PDZRN3: variants seen among roughly 807,000 people sequenced by gnomAD.
The protein encoded by PDZRN3 is PDZ domain containing ring finger 3.
A neutral mutation model predicts 85.7 loss-of-function variants in PDZRN3; 38 were observed. The observed-to-expected ratio is 0.44, with a 90% CI of 0.34 to 0.58. The LOEUF (loss-of-function observed/expected upper bound fraction) is 0.58, where lower values mean the gene tolerates loss of function less well. Among genes scored for constraint, PDZRN3 ranks in the 20% least tolerant of loss-of-function variants. The pLI is 0.01. For missense variants in PDZRN3, 1,629 were observed against 1,506.4 expected, an observed-to-expected ratio of 1.08 and a Z score of -1.35; for synonymous variants, 759 against 638.0, an observed-to-expected ratio of 1.19 and a Z score of -2.86.
At chr3:73,501,126 C>T (rs1395122935) in intron 3 of PDZRN3, among the ~76,000 whole-genome samples, 1 of 152,184 alleles carries the variant, frequency 6.6e-6, no homozygotes, top group Non-Finnish European at 1.5e-5. Context: ...TAAACTCTTG[C>T]TAACATTTGG....
chr3:73,414,119 T>G (rs1702029434), intron 3 of PDZRN3, among the ~76,000 whole-genome samples: 1 of 152,184 alleles, frequency 6.6e-6, no homozygotes, highest in Non-Finnish European at 1.5e-5. Context: ...GTAATGTCAG[T>G]CATGTCTCAG....
At chr3:73,476,991 C>T (rs773980612) in intron 3 of PDZRN3, among the ~76,000 whole-genome samples, 20 of 152,238 alleles carry the variant, frequency 1.3e-4, no homozygotes, top group South Asian at 2.1e-4. Context: ...ATCTGTTACA[C>T]GCAATAGATA....
intron 3 of PDZRN3, among the ~76,000 whole-genome samples, chr3:73,579,593 T>G (rs1702169487): frequency 6.6e-6 from 1 of 152,184 alleles, no homozygotes; most frequent in Non-Finnish European, 1.5e-5. Context: ...CGACAGGTAT[T>G]GAGAATTAGC....
At position 73,488,505 on chromosome 3, in the gene PDZRN3, C is replaced by T. The variant is rs145073351; in HGVS notation, c.919-84110G>A. 1.2e-3 allele frequency among the ~76,000 whole-genome samples: 187 copies of T among 152,332 alleles called. 2 individuals are homozygous for T. Among genetic ancestry groups the T allele is most frequent in the Admixed American group, 9.9e-3 (152 of 15,310 alleles). On this transcript the variant is annotated intron_variant, in intron 3 of 9. Transcript: ENST00000263666. The stretch of plus-strand genomic sequence containing the variant: ...ATCTTCCCAGCTCTTCCCTTGGATG[C>T]TACCTTCTCATAGCTTGGGACTTGG...
chr3:73,486,383 G>A lies in PDZRN3; in HGVS notation c.919-81988C>T, dbSNP rs1440506728. Among the ~76,000 whole-genome samples, 3 of 102,928 alleles carry A rather than the reference G, an allele frequency of 2.9e-5. No homozygotes were observed. The South Asian group carries it at 1.3e-3, about 44-fold the overall frequency. 67.5% of individuals were successfully genotyped at this position (102,928 alleles called of 152,430 possible). A position where few individuals can be genotyped will look rare whatever the true frequency, so the allele number is the denominator to read the frequency against. ...GGCAGGGCACTCATAGAATGGAGAA[G>A]AGCATGAGGTGGAAGGAAAAAAAAA... On this transcript the variant is annotated intron_variant, in intron 3 of 9. Coordinates refer to ENST00000263666, the MANE Select transcript of PDZRN3 (RefSeq NM_015009.3).
chr3:73,395,542 C>A (rs1486049509), intron 5 of PDZRN3, among the ~76,000 whole-genome samples: 2 of 152,208 alleles, frequency 1.3e-5, no homozygotes, highest in East Asian at 3.9e-4. Flanking sequence ...TTCAAACTCT[C>A]TGTTGCAGCA....
At chr3:73,520,050 G>C (rs181105735) in intron 3 of PDZRN3, among the ~76,000 whole-genome samples, 1 of 152,294 alleles carries the variant, frequency 6.6e-6, no homozygotes, top group African/African-American at 2.4e-5. Flanking sequence ...CTTAAAGCAG[G>C]GGGGAACACA....
Position 73,624,516 on chromosome 3 carries a change from G to T in PDZRN3, c.310C>A (p.Arg104Ser), listed in dbSNP as rs560424567. Residue 104 changes from arginine to serine, a missense_variant, in exon 1 of 10, where the codon CGC (arginine) becomes AGC (serine). Arg to Ser is a moderately radical substitution (Grantham distance 110). Transcript: ENST00000263666. ...CAGCGCGCGGGCGCGAAGTCGCAGC[G>T]CTCGAGGTGCTCCGGCAGCTGCTGC... ...KLQQLPEHLE[R>S]CDFAPARCRH... The T allele has an allele frequency of 6.2e-6, 9 of 1,459,022 alleles. No homozygotes were observed. Among genetic ancestry groups the T allele is most frequent in the African/African-American group, 1.5e-5 (1 of 67,612 alleles). The allele number at this position is 1,459,022 out of a possible 1,614,324, so 90.4% of individuals were successfully genotyped here. A position where few individuals can be genotyped will look rare whatever the true frequency, so the allele number is the denominator to read the frequency against.
intron 8 of PDZRN3, among the ~76,000 whole-genome samples, chr3:73,386,871 A>G (rs934804018): frequency 1.4e-5 from 2 of 147,650 alleles, no homozygotes; most frequent in African/African-American, 5.2e-5. Flanking sequence ...GGCTTTTTCA[A>G]TCGGGTTTCA....
chr3:73,440,573 C>T (rs1299518271), intron 3 of PDZRN3, among the ~76,000 whole-genome samples: 7 of 152,178 alleles, frequency 4.6e-5, no homozygotes, highest in East Asian at 3.9e-4. Flanking sequence ...CTGTGTTTCC[C>T]GACACTGGCG....
chr3:73,556,324 A>T (rs1299213101), intron 3 of PDZRN3, among the ~76,000 whole-genome samples: 1 of 151,920 alleles, frequency 6.6e-6, no homozygotes, highest in Admixed American at 6.6e-5. Flanking sequence ...TTATTTTATA[A>T]TTATATTGAA....
At chr3:73,589,635 T>G (rs1702325722) in intron 3 of PDZRN3, among the ~76,000 whole-genome samples, 2 of 152,182 alleles carry the variant, frequency 1.3e-5, no homozygotes, top group Non-Finnish European at 1.5e-5. Flanking sequence ...CACAAGTAAT[T>G]AAGTCCCTGC....
At chr3:73,498,285 T>C (rs1305242867) in intron 3 of PDZRN3, among the ~76,000 whole-genome samples, 1 of 152,166 alleles carries the variant, frequency 6.6e-6, no homozygotes, top group African/African-American at 2.4e-5. Flanking sequence ...CCGACTAACC[T>C]GAAAAGCTCC....
chr3:73,423,243 G>C (rs539173754), intron 3 of PDZRN3, among the ~76,000 whole-genome samples: 2 of 152,274 alleles, frequency 1.3e-5, no homozygotes, highest in East Asian at 3.9e-4. Context: ...AAGGAAAATT[G>C]GTTCATATTC....
chr3:73,547,527 A>T (rs948528645), intron 3 of PDZRN3, among the ~76,000 whole-genome samples: 6 of 152,214 alleles, frequency 3.9e-5, no homozygotes, highest in African/African-American at 1.4e-4. Context: ...CACTGCTTAA[A>T]GGAGCTCCTC....
At chr3:73,439,111 T>C (rs1484139620) in intron 3 of PDZRN3, among the ~76,000 whole-genome samples, 1 of 152,206 alleles carries the variant, frequency 6.6e-6, no homozygotes, top group African/African-American at 2.4e-5. Context: ...TGCATCCCTC[T>C]GTTCTTCCCT....
Position 73,384,183 on chromosome 3 carries a change from C to G in PDZRN3, c.2383G>C (p.Val795Leu), listed in dbSNP as rs746097783. 3 of 1,614,070 alleles carry G rather than the reference C, an allele frequency of 1.9e-6. No homozygotes were observed. Among genetic ancestry groups the G allele is most frequent in the Middle Eastern group, 3.3e-4 (2 of 6,062 alleles). The stretch of plus-strand genomic sequence containing the variant: ...GGCCCGTAGGCTTCCGTGGTCCCCA[C>G]AGCCCCTTCGCTGCTCGGGCAGCTG... ...GISCPSSEGA[V>L]GTTEAYGPAS... Residue 795 changes from valine to leucine, a missense_variant, in exon 10 of 10, where the codon GTG (valine) becomes CTG (leucine). Transcript: ENST00000263666.
At chr3:73,512,277 T>G (rs1458603015) in intron 3 of PDZRN3, among the ~76,000 whole-genome samples, 1 of 152,250 alleles carries the variant, frequency 6.6e-6, no homozygotes, top group Non-Finnish European at 1.5e-5. Context: ...CACCTGGAAC[T>G]CTGTGCACCA....
At chr3:73,497,297 C>A (rs1025679868) in intron 3 of PDZRN3, among the ~76,000 whole-genome samples, 1 of 152,100 alleles carries the variant, frequency 6.6e-6, no homozygotes, top group Non-Finnish European at 1.5e-5. Flanking sequence ...GAAACAGCTT[C>A]TGTGGGATTT....
Sources: gnomAD v4.1 joint callset for allele counts (sites outside exome capture counted in the v4.1 genomes callset) on GRCh38, gnomAD v4.1.1 for gene constraint, MANE v1.5 for transcripts, NCBI Gene and HGNC (gene_info 2026-07-23, HGNC 2026-07-21) for gene names.